EYA4: variants seen among roughly 807,000 people sequenced by gnomAD.
EYA4 encodes the protein protein phosphatase EYA4.
A neutral mutation model predicts 87.9 loss-of-function variants in EYA4; 31 were observed. That is an observed-to-expected ratio of 0.35 (90% CI 0.27 to 0.48). EYA4 has a LOEUF of 0.48. Among genes scored for constraint, EYA4 ranks in the 20% least tolerant of loss-of-function variants. EYA4 has a pLI of 0.99. For synonymous variants in EYA4, 263 were observed against 270.6 expected, an observed-to-expected ratio of 0.97 and a Z score of 0.28; for missense variants, 678 against 761.4, an observed-to-expected ratio of 0.89 and a Z score of 1.29.
chr6:133,457,094 T>G (rs904871711), intron 6 of EYA4, among the ~76,000 whole-genome samples: 3 of 152,132 alleles, frequency 2.0e-5, no homozygotes, highest in African/African-American at 7.2e-5. Context: ...AAAAAACTCC[T>G]CCTGTGTAAG....
chr6:133,295,636 C>T (rs1310115316), intron 2 of EYA4, among the ~76,000 whole-genome samples: 2 of 152,064 alleles, frequency 1.3e-5, no homozygotes, highest in Admixed American at 6.6e-5. Flanking sequence ...GGGGTATTTA[C>T]ATTCTCTTTT....
chr6:133,418,301 A>T (rs1003025081), intron 3 of EYA4, among the ~76,000 whole-genome samples: 2 of 152,198 alleles, frequency 1.3e-5, no homozygotes, highest in Non-Finnish European at 1.5e-5. Context: ...TCTGAGTAAC[A>T]GATCACATTC....
intron 2 of EYA4, among the ~76,000 whole-genome samples, chr6:133,335,573 G>T (rs1782302893): frequency 6.6e-6 from 1 of 152,184 alleles, no homozygotes; most frequent in Admixed American, 6.5e-5. Flanking sequence ...AAGTGCTGCA[G>T]AGTTAGGTAA....
At chr6:133,326,730 G>A (rs1781528574) in intron 2 of EYA4, among the ~76,000 whole-genome samples, 1 of 152,180 alleles carries the variant, frequency 6.6e-6, no homozygotes, top group Admixed American at 6.5e-5. Context: ...CCAGAGTCCT[G>A]GATTCCCTTC....
chr6:133,267,826 T>G (rs1387717810), intron 1 of EYA4, among the ~76,000 whole-genome samples: 3 of 152,130 alleles, frequency 2.0e-5, no homozygotes, highest in Non-Finnish European at 4.4e-5. Flanking sequence ...ATTTTACGAG[T>G]TTTTTTGGGG....
At chr6:133,323,678 G>A (rs898960894) in intron 2 of EYA4, among the ~76,000 whole-genome samples, 1 of 152,116 alleles carries the variant, frequency 6.6e-6, no homozygotes, top group Non-Finnish European at 1.5e-5. Context: ...ACATATGTGT[G>A]AGAGAATGAG....
intron 3 of EYA4, among the ~76,000 whole-genome samples, chr6:133,413,044 A>C (rs758194238): frequency 6.6e-6 from 1 of 152,214 alleles, no homozygotes; most frequent in East Asian, 1.9e-4. Flanking sequence ...GCCCAGGAGC[A>C]CAACTTAAAT....
At chr6:133,444,863 C>T (rs913356969) in intron 3 of EYA4, among the ~76,000 whole-genome samples, 4 of 152,154 alleles carry the variant, frequency 2.6e-5, no homozygotes, top group East Asian at 1.9e-4. Context: ...ATAGATCCCC[C>T]GTAATTAGGT....
At chr6:133,447,848 G>C (rs949328127) in intron 4 of EYA4, among the ~76,000 whole-genome samples, 1 of 152,024 alleles carries the variant, frequency 6.6e-6, no homozygotes, top group African/African-American at 2.4e-5. Flanking sequence ...ACTAGAGTAA[G>C]GTACATTTAA....
intron 2 of EYA4, among the ~76,000 whole-genome samples, chr6:133,331,024 C>CG (rs200102923): frequency 1.3e-3 from 160 of 118,946 alleles, no homozygotes; most frequent in African/African-American, 2.5e-3. Flanking sequence ...TATAACCAAA[C>CG]GGGTTTTTTT....
chr6:133,313,735 T>C (rs544009948), intron 2 of EYA4, among the ~76,000 whole-genome samples: 1 of 152,296 alleles, frequency 6.6e-6, no homozygotes, highest in African/African-American at 2.4e-5. Context: ...CCTGCAGTAA[T>C]TCCCTGGCTT....
intron 6 of EYA4, among the ~76,000 whole-genome samples, chr6:133,460,901 G>C (rs920056092): frequency 6.6e-6 from 1 of 152,152 alleles, no homozygotes; most frequent in Non-Finnish European, 1.5e-5. Context: ...CAGAGGGAAT[G>C]ATTTGTGAGA....
chr6:133,387,345 T>C (rs910069803), intron 3 of EYA4, among the ~76,000 whole-genome samples: 1 of 152,232 alleles, frequency 6.6e-6, no homozygotes, highest in African/African-American at 2.4e-5. Context: ...TGAGGGCTCC[T>C]TTGTGAAACA....
At chr6:133,501,051 A>G (rs1361677968) in intron 13 of EYA4, among the ~76,000 whole-genome samples, 1 of 151,948 alleles carries the variant, frequency 6.6e-6, no homozygotes, top group African/African-American at 2.4e-5. Context: ...TCTCACACAC[A>G]GACTCCTCAC....
chr6:133,349,865 ATCT>A (rs1228509592), intron 2 of EYA4, among the ~76,000 whole-genome samples: 1 of 152,156 alleles, frequency 6.6e-6, no homozygotes, highest in East Asian at 1.9e-4. Flanking sequence ...AAAATAAAAC[ATCT>A]TCTAGCAAGA....
intron 2 of EYA4, among the ~76,000 whole-genome samples, chr6:133,292,592 T>C (rs1778576549): frequency 6.6e-6 from 1 of 152,330 alleles, no homozygotes; most frequent in East Asian, 1.9e-4. Flanking sequence ...TATCAACATT[T>C]ATACAAGGAA....
intron 2 of EYA4, among the ~76,000 whole-genome samples, chr6:133,337,013 T>A (rs2009264): frequency 0.029 from 4,453 of 152,286 alleles, 217 homozygotes; most frequent in African/African-American, 0.1. Flanking sequence ...TTTCACCAAC[T>A]CAGAAAGTCA....
At chr6:133,413,223 A>C (rs982339140) in intron 3 of EYA4, among the ~76,000 whole-genome samples, 1 of 152,158 alleles carries the variant, frequency 6.6e-6, no homozygotes, top group Non-Finnish European at 1.5e-5. Context: ...GTATTTATTT[A>C]AAAACTTCTC....
chr6:133,476,074 A>G (rs766824696), intron 11 of EYA4, among the ~76,000 whole-genome samples: 1 of 152,118 alleles, frequency 6.6e-6, no homozygotes, highest in African/African-American at 2.4e-5. Context: ...GGCACCCGTA[A>G]TCTCAGCTAC....
Sources: allele counts gnomAD v4.1 joint callset (sites outside exome capture counted in the v4.1 genomes callset), GRCh38; gene constraint gnomAD v4.1.1; transcripts MANE v1.5; gene names NCBI Gene and HGNC (gene_info 2026-07-23, HGNC 2026-07-21).